ARHGEF18: variants seen among roughly 807,000 people sequenced by gnomAD.
ARHGEF18 encodes the protein Rho/Rac guanine nucleotide exchange factor 18.
Under a neutral mutation model 155.7 loss-of-function variants are expected in ARHGEF18, and 93 were observed. That is an observed-to-expected ratio of 0.60 (90% CI 0.50 to 0.71). The LOEUF (loss-of-function observed/expected upper bound fraction) is 0.71. Among genes scored for constraint, ARHGEF18 ranks in the 30% least tolerant of loss-of-function variants. ARHGEF18 has a pLI of 0.00. For synonymous variants in ARHGEF18, 742 were observed against 753.1 expected, an observed-to-expected ratio of 0.99 and a Z score of 0.24; for missense variants, 1,593 against 1,816.1, an observed-to-expected ratio of 0.88 and a Z score of 2.23.
chr19:7,417,211 C>G (rs770530629), intron 10 of ARHGEF18, among the ~76,000 whole-genome samples: 1 of 152,048 alleles, frequency 6.6e-6, no homozygotes, highest in Non-Finnish European at 1.5e-5. Flanking sequence ...CTACACCTGG[C>G]CTGGATGATA....
chr19:7,427,231 A>T (rs563182353), intron 10 of ARHGEF18, among the ~76,000 whole-genome samples: 1 of 152,166 alleles, frequency 6.6e-6, no homozygotes, highest in African/African-American at 2.4e-5. Context: ...CTGAGGTCAA[A>T]TGTTGCCCCA....
intron 10 of ARHGEF18, among the ~76,000 whole-genome samples, chr19:7,437,670 G>T (rs1338088146): frequency 1.6e-5 from 2 of 122,580 alleles, no homozygotes; most frequent in East Asian, 5.4e-4. Flanking sequence ...GTGAGATGGA[G>T]TCTCACTTTG....
chr19:7,403,181 A>G (rs930138553), intron 10 of ARHGEF18, among the ~76,000 whole-genome samples: 4 of 152,068 alleles, frequency 2.6e-5, no homozygotes, highest in Non-Finnish European at 4.4e-5. Context: ...ACCTCAAGCA[A>G]TCCGCCCGCC....
downstream of ARHGEF18, among the ~76,000 whole-genome samples, chr19:7,472,670 G>GTT (rs976404479): frequency 3.4e-4 from 52 of 152,212 alleles, no homozygotes; most frequent in Admixed American, 1.3e-3. Flanking sequence ...GTTGTTGGGG[G>GTT]TTTTGTTTTT....
chr19:7,436,100 C>G (rs568440619), intron 10 of ARHGEF18, among the ~76,000 whole-genome samples: 1 of 152,164 alleles, frequency 6.6e-6, no homozygotes. Flanking sequence ...GTGAAAACTT[C>G]AGTGTCTTCT....
intron 15 of ARHGEF18, among the ~76,000 whole-genome samples, chr19:7,450,939 T>G: frequency 6.6e-6 from 1 of 152,136 alleles, no homozygotes; most frequent in Non-Finnish European, 1.5e-5. Context: ...GCTGTCCGTT[T>G]CCGAGATGTT....
downstream of ARHGEF18, chr19:7,472,857 G>A (rs1398522540): frequency 2.2e-5 from 9 of 408,114 alleles, no homozygotes; most frequent in African/African-American, 4.1e-5. Context: ...GCACCACCAC[G>A]CCCAGCTAAT....
intron 16 of ARHGEF18, 107 bp from the exon 17 acceptor site, chr19:7,453,360 G>A: frequency 1.5e-6 from 2 of 1,369,114 alleles, no homozygotes; most frequent in Non-Finnish European, 1.9e-6. Context: ...CCCATACATA[G>A]TGTGTCCACA....
chr19:7,373,463 G>GTTTTTTTTTTT (rs534449492), intron 3 of ARHGEF18, among the ~76,000 whole-genome samples: 1 of 87,174 alleles, frequency 1.1e-5, no homozygotes, highest in African/African-American at 1.2e-4. Context: ...TTTTGTGTTT[G>GTTTTTTTTTTT]TTTTTTTTTT....
intron 1 of ARHGEF18, among the ~76,000 whole-genome samples, chr19:7,356,202 A>G (rs1969296450): frequency 6.6e-6 from 1 of 151,414 alleles, no homozygotes; most frequent in Non-Finnish European, 1.5e-5. Flanking sequence ...CTCTCTGGGG[A>G]CTGATAACAG....
At chr19:7,391,978 C>T (rs1387924263) in intron 10 of ARHGEF18, among the ~76,000 whole-genome samples, 2 of 152,128 alleles carry the variant, frequency 1.3e-5, no homozygotes, top group African/African-American at 2.4e-5. Flanking sequence ...TGGTGGCTCA[C>T]GCCTGTAATC....
chr19:7,432,902 A>G (rs1974042798), intron 10 of ARHGEF18, among the ~76,000 whole-genome samples: 1 of 152,246 alleles, frequency 6.6e-6, no homozygotes, highest in Non-Finnish European at 1.5e-5. Context: ...GCCCATGCCT[A>G]TAATCCCAGC....
intron 10 of ARHGEF18, among the ~76,000 whole-genome samples, chr19:7,420,496 G>A (rs62111719): frequency 0.042 from 6,441 of 152,218 alleles, 192 homozygotes; most frequent in Middle Eastern, 0.079. Context: ...CAGGTGATCC[G>A]CCCACCTCGG....
intron 23 of ARHGEF18, among the ~76,000 whole-genome samples, chr19:7,465,077 C>T (rs1242424290): frequency 1.3e-5 from 2 of 152,050 alleles, no homozygotes; most frequent in East Asian, 1.9e-4. Context: ...GGTGCCTACT[C>T]GGCCCTGCCC....
intron 2 of ARHGEF18, among the ~76,000 whole-genome samples, chr19:7,363,369 A>G (rs1453432232): frequency 6.6e-6 from 1 of 151,930 alleles, no homozygotes; most frequent in East Asian, 1.9e-4. Context: ...AGAAAGCTAG[A>G]TGGATAGATG....
intron 1 of ARHGEF18, among the ~76,000 whole-genome samples, chr19:7,355,452 T>TCCCTGGGC (rs1969263001): frequency 6.6e-6 from 1 of 152,054 alleles, no homozygotes; most frequent in Admixed American, 6.6e-5. Flanking sequence ...AAACCAGGGG[T>TCCCTGGGC]CCCTGGGCCC....
chr19:7,458,815 C>A (rs929695793), intron 19 of ARHGEF18, 125 bp downstream of exon 19: 2 of 1,143,676 alleles, frequency 1.7e-6, no homozygotes, highest in African/African-American at 3.1e-5. Flanking sequence ...GGACCCATGA[C>A]GCCATTCCAG....
chr19:7,426,312 A>G (rs1264879414), intron 10 of ARHGEF18, among the ~76,000 whole-genome samples: 1 of 151,640 alleles, frequency 6.6e-6, no homozygotes, highest in Admixed American at 6.6e-5. Flanking sequence ...ACATGATGAA[A>G]CCTGTCTCTA....
intron 15 of ARHGEF18, among the ~76,000 whole-genome samples, chr19:7,449,613 G>T (rs182457716): frequency 7.9e-5 from 12 of 152,248 alleles, no homozygotes; most frequent in Admixed American, 7.8e-4. Context: ...GTGTGTTCAT[G>T]TGTACATTGT....
Sources: allele counts gnomAD v4.1 joint callset (sites outside exome capture counted in the v4.1 genomes callset), GRCh38; gene constraint gnomAD v4.1.1; transcripts MANE v1.5; gene names NCBI Gene and HGNC (gene_info 2026-07-23, HGNC 2026-07-21).